NDRG3: variants seen among roughly 807,000 people sequenced by gnomAD.
NDRG3 encodes NDRG family member 3, also known as protein NDRG3.
In NDRG3, 23 loss-of-function variants were observed where a neutral mutation model predicts 57.2. The ratio of observed to expected loss-of-function variants is 0.40; its 90% CI spans 0.29 to 0.57. NDRG3 has a LOEUF of 0.57. Among genes scored for constraint, NDRG3 ranks in the 20% least tolerant of loss-of-function variants. The pLI is 0.42. For missense variants in NDRG3, 384 were observed against 457.3 expected (o/e 0.84, Z 1.46); for synonymous variants, 132 against 162.6 (o/e 0.81, Z 1.43).
chr20:36,682,268 C>T (rs902121955), intron 7 of NDRG3, among the ~76,000 whole-genome samples: 8 of 152,006 alleles, frequency 5.3e-5, no homozygotes, highest in East Asian at 3.9e-4. Flanking sequence ...TTTTAATGGC[C>T]GCACAAAATT....
chr20:36,676,257 A>G (rs1025022333), intron 8 of NDRG3, among the ~76,000 whole-genome samples: 1 of 152,164 alleles, frequency 6.6e-6, no homozygotes. Context: ...ATAAATACAT[A>G]CATAAATAAA....
At chr20:36,657,450 T>C (rs893931046) in intron 13 of NDRG3, among the ~76,000 whole-genome samples, 51 of 149,806 alleles carry the variant, frequency 3.4e-4, no homozygotes, top group Non-Finnish European at 1.8e-4. Flanking sequence ...ATCATGCCAC[T>C]GCACTCCAAC....
intron 1 of NDRG3, among the ~76,000 whole-genome samples, chr20:36,727,501 T>C (rs1985010770): frequency 6.6e-6 from 1 of 152,084 alleles, no homozygotes; most frequent in Non-Finnish European, 1.5e-5. Context: ...ATTACCAGCA[T>C]GAGCCACCGC....
chr20:36,689,910 C>T (rs570974982), intron 3 of NDRG3, among the ~76,000 whole-genome samples: 36 of 151,842 alleles, frequency 2.4e-4, no homozygotes, highest in South Asian at 1.9e-3. Flanking sequence ...TTAGTAGAGA[C>T]GGGGTTTCAC....
At chr20:36,672,622 A>G (rs1980271690) in intron 8 of NDRG3, among the ~76,000 whole-genome samples, 1 of 152,176 alleles carries the variant, frequency 6.6e-6, no homozygotes, top group African/African-American at 2.4e-5. Context: ...TGAGGTCAGG[A>G]GTTTGAGACC....
At chr20:36,695,229 G>T (rs1982675805) in intron 3 of NDRG3, among the ~76,000 whole-genome samples, 1 of 152,146 alleles carries the variant, frequency 6.6e-6, no homozygotes, top group Non-Finnish European at 1.5e-5. Flanking sequence ...GTAAGCTGAG[G>T]ATGTATGTCG....
intron 1 of NDRG3, among the ~76,000 whole-genome samples, chr20:36,742,968 G>A (rs894914389): frequency 1.3e-5 from 2 of 152,116 alleles, no homozygotes; most frequent in African/African-American, 4.8e-5. Context: ...ACCATGTAAT[G>A]ATATACAGTA....
chr20:36,694,858 A>G (rs1362227449), intron 3 of NDRG3, among the ~76,000 whole-genome samples: 1 of 152,080 alleles, frequency 6.6e-6, no homozygotes, highest in African/African-American at 2.4e-5. Context: ...CTCAGGCTCA[A>G]GCAATTCTCC....
intron 1 of NDRG3, among the ~76,000 whole-genome samples, chr20:36,728,764 C>T (rs957825044): frequency 5.9e-5 from 9 of 151,742 alleles, no homozygotes; most frequent in Non-Finnish European, 2.9e-5. Flanking sequence ...CTCACTCTGT[C>T]GCCCAGGCTG....
chr20:36,675,360 C>T (rs1049146746), intron 8 of NDRG3, among the ~76,000 whole-genome samples: 34 of 135,638 alleles, frequency 2.5e-4, no homozygotes, highest in Non-Finnish European at 5.1e-4. Context: ...TCACCTGGCC[C>T]GCAACGGGCT....
Position 36,683,699 on chromosome 20 carries a change from C to G in NDRG3, c.383+714G>C, listed in dbSNP as rs1023249647. 2.0e-5 allele frequency among the ~76,000 whole-genome samples: 3 copies of G among 150,858 alleles called. No individual in the cohort carries two copies. The East Asian group carries it at 5.8e-4, about 29-fold the overall frequency. On this transcript the variant is annotated intron_variant, in intron 6 of 15. Coordinates refer to ENST00000349004, the MANE Select transcript of NDRG3 (RefSeq NM_032013.4). ...ATACACACACATATATGTACACACACACACACACACACACATATAAAAATA... is the reference window on the plus strand; with the variant it reads ...ATACACACACATATATGTACACACAGACACACACACACACATATAAAAATA...
intron 1 of NDRG3, among the ~76,000 whole-genome samples, chr20:36,738,987 G>A (rs1433346803): frequency 1.3e-5 from 2 of 150,064 alleles, no homozygotes; most frequent in Admixed American, 6.7e-5. Flanking sequence ...AGTCAGGGGT[G>A]ATGGCATGCA....
chr20:36,719,043 T>C (rs985384616), intron 2 of NDRG3, among the ~76,000 whole-genome samples: 4 of 152,086 alleles, frequency 2.6e-5, no homozygotes, highest in African/African-American at 9.7e-5. Context: ...GGCACAGCCC[T>C]TCACATACAC....
chr20:36,704,547 A>T (rs1255314334), intron 3 of NDRG3, among the ~76,000 whole-genome samples: 2 of 152,180 alleles, frequency 1.3e-5, no homozygotes, highest in Non-Finnish European at 2.9e-5. Context: ...TATATCAAAT[A>T]TTAACAGTAA....
intron 14 of NDRG3, 33 bp downstream of exon 14, chr20:36,656,464 A>G: frequency 1.2e-6 from 2 of 1,614,220 alleles, no homozygotes; most frequent in East Asian, 4.5e-5. Flanking sequence ...GAGAAGCAGA[A>G]TTAAATGGGT....
At chr20:36,701,088 CT>C (rs1453300680) in intron 3 of NDRG3, among the ~76,000 whole-genome samples, 1 of 152,148 alleles carries the variant, frequency 6.6e-6, no homozygotes, top group African/African-American at 2.4e-5. Flanking sequence ...CCAGTACTTA[CT>C]GATTATTTAT....
chr20:36,685,978 C>T (rs1318606600), intron 5 of NDRG3, among the ~76,000 whole-genome samples: 1 of 152,184 alleles, frequency 6.6e-6, no homozygotes, highest in East Asian at 1.9e-4. Context: ...CCACTGTACT[C>T]CAGCCTGGGA....
chr20:36,669,898 C>A lies in NDRG3; in HGVS notation c.588+1443G>T, dbSNP rs565734644. On this transcript the variant is annotated intron_variant, in intron 9 of 15. Coordinates refer to ENST00000349004, the MANE Select transcript of NDRG3 (RefSeq NM_032013.4). ...CAGATGTAGAGCCACTGCGCCTGACCCCTAATTTGTAGTATATTAATACAA... is the reference window on the plus strand; with the variant it reads ...CAGATGTAGAGCCACTGCGCCTGACACCTAATTTGTAGTATATTAATACAA... Among the ~76,000 whole-genome samples the A allele has an allele frequency of 3.9e-5, 6 of 152,258 alleles. No homozygotes were observed. The South Asian group carries it at 1.2e-3, about 32-fold the overall frequency.
chr20:36,708,874 A>G (rs1386984310), intron 2 of NDRG3, among the ~76,000 whole-genome samples: 1 of 151,862 alleles, frequency 6.6e-6, no homozygotes, highest in Non-Finnish European at 1.5e-5. Flanking sequence ...CCCCATCTCT[A>G]TTAAAAATAC....
Sources: gnomAD v4.1 joint callset for allele counts (sites outside exome capture counted in the v4.1 genomes callset) on GRCh38, gnomAD v4.1.1 for gene constraint, MANE v1.5 for transcripts, NCBI Gene and HGNC (gene_info 2026-07-23, HGNC 2026-07-21) for gene names.